Variants in ADRA1B observed in about 807,000 individuals in gnomAD.
ADRA1B encodes adrenoceptor alpha 1B.
In ADRA1B, 17 loss-of-function variants were observed where a neutral mutation model predicts 17.9. The observed-to-expected ratio is 0.95, with a 90% CI of 0.65 to 1.42. The LOEUF is 1.42. Ranked by LOEUF, ADRA1B falls within the 40% of genes most tolerant of loss-of-function variation. ADRA1B has a pLI of 0.00. For synonymous variants in ADRA1B, 366 were observed against 327.6 expected (o/e 1.12, Z -1.27); for missense variants, 681 against 722.1 (o/e 0.94, Z 0.65).
chr5:159,900,796 T>C (rs1445456402), intron 1 of ADRA1B, among the ~76,000 whole-genome samples: 1 of 152,220 alleles, frequency 6.6e-6, no homozygotes, highest in Non-Finnish European at 1.5e-5. Flanking sequence ...TGGAATGGAC[T>C]TGGGACAGAC....
At chr5:159,947,741 G>A in intron 1 of ADRA1B, 1 of 985,414 alleles carries the variant, frequency 1.0e-6, no homozygotes, top group Non-Finnish European at 1.2e-6. Flanking sequence ...TGTAAATCCA[G>A]GAAAGAAATG....
At chr5:159,912,427 C>T (rs779501297), upstream of ADRA1B, among the ~76,000 whole-genome samples, 3 of 152,238 alleles carry the variant, frequency 2.0e-5, no homozygotes, top group African/African-American at 7.2e-5. Context: ...CAAGTGCTGG[C>T]CTGGAAGGCA....
intron 1 of ADRA1B, among the ~76,000 whole-genome samples, chr5:159,890,141 T>G (rs1158014317): frequency 6.6e-6 from 1 of 152,098 alleles, no homozygotes; most frequent in Non-Finnish European, 1.5e-5. Flanking sequence ...CACCGAGTTG[T>G]TTTTCTGCCT....
In ADRA1B at chr5:159,972,150, G is replaced by A; in HGVS notation, c.1221G>A (p.Leu407=). 2.2e-6 allele frequency: 3 copies of A among 1,360,976 alleles called. No individual in the cohort carries two copies. In the South Asian group the frequency reaches 5.1e-5, roughly 23 times the overall value. The allele number at this position is 1,360,976 out of a possible 1,614,324, so 84.3% of individuals were successfully genotyped here. The change falls in exon 2 of 2, where the codon CTG becomes CTA. Residue 407 remains leucine (L), a synonymous_variant. Coordinates refer to ENST00000306675, the MANE Select transcript of ADRA1B (RefSeq NM_000679.4). Reference sequence around the variant, plus strand: ...GCTCGCAGTCGCGCAAGGACTCGCTGGACGACAGCGGCAGCTGCCTGAGCG... The same window carrying A: ...GCTCGCAGTCGCGCAAGGACTCGCTAGACGACAGCGGCAGCTGCCTGAGCG... ...LERSQSRKDS[L]DDSGSCLSGS... is the part of the protein sequence containing the mutation.
At chr5:159,931,168 T>C (rs1163465773) in intron 1 of ADRA1B, among the ~76,000 whole-genome samples, 1 of 151,362 alleles carries the variant, frequency 6.6e-6, no homozygotes, top group Non-Finnish European at 1.5e-5. Context: ...AGCAGGAGGA[T>C]CACTTGAGCC....
the ADRA1B span, among the ~76,000 whole-genome samples, chr5:159,988,960 T>C: frequency 6.6e-6 from 1 of 152,244 alleles, no homozygotes; most frequent in Non-Finnish European, 1.5e-5. Context: ...TGAATAATGC[T>C]GCTATGAGGA....
At chr5:159,963,533 T>C (rs1008199741) in intron 1 of ADRA1B, among the ~76,000 whole-genome samples, 1 of 152,172 alleles carries the variant, frequency 6.6e-6, no homozygotes, top group Admixed American at 6.5e-5. Context: ...CAAGAATTGT[T>C]GTAAAGGACA....
At chr5:159,944,635 T>C (rs1004953413) in intron 1 of ADRA1B, among the ~76,000 whole-genome samples, 1 of 152,176 alleles carries the variant, frequency 6.6e-6, no homozygotes, top group African/African-American at 2.4e-5. Flanking sequence ...AGCCACCATT[T>C]ACCATGTGCC....
chr5:159,928,097 C>T (rs981300433), intron 1 of ADRA1B, among the ~76,000 whole-genome samples: 1 of 152,104 alleles, frequency 6.6e-6, no homozygotes, highest in African/African-American at 2.4e-5. Flanking sequence ...GGATCAATTT[C>T]AGCACAAGCT....
At chr5:159,924,172 T>C (rs1256548570) in intron 1 of ADRA1B, among the ~76,000 whole-genome samples, 2 of 152,274 alleles carry the variant, frequency 1.3e-5, no homozygotes, top group Admixed American at 1.3e-4. Context: ...CTAAATGTAT[T>C]TCATGTAAAT....
chr5:159,900,060 C>A (rs1213885806), intron 1 of ADRA1B, among the ~76,000 whole-genome samples: 1 of 152,228 alleles, frequency 6.6e-6, no homozygotes, highest in East Asian at 1.9e-4. Flanking sequence ...CGTGCTGAAT[C>A]TAGTTTAAAT....
chr5:159,971,577 G>C (rs60463459), intron 1 of ADRA1B, among the ~76,000 whole-genome samples: 1 of 152,166 alleles, frequency 6.6e-6, no homozygotes, highest in African/African-American at 2.4e-5. Context: ...TTATCACTTA[G>C]ATTGAAGGTG....
upstream of ADRA1B, among the ~76,000 whole-genome samples, chr5:159,914,716 G>T (rs948126298): frequency 6.6e-6 from 1 of 152,104 alleles, no homozygotes; most frequent in Non-Finnish European, 1.5e-5. Flanking sequence ...ATAAAAAGAG[G>T]TTAAGAGCTT....
intron 1 of ADRA1B, among the ~76,000 whole-genome samples, chr5:159,890,646 C>T (rs975822127): frequency 2.0e-5 from 3 of 152,334 alleles, no homozygotes; most frequent in South Asian, 2.1e-4. Context: ...GTCAAACCCC[C>T]GCACATGTGC....
chr5:159,946,048 G>C (rs1320143606), intron 1 of ADRA1B, among the ~76,000 whole-genome samples: 1 of 152,092 alleles, frequency 6.6e-6, no homozygotes, highest in African/African-American at 2.4e-5. Flanking sequence ...CGCCCAGCCC[G>C]ATTTCTGTTT....
At chr5:159,941,604 G>A (rs1755128932) in intron 1 of ADRA1B, among the ~76,000 whole-genome samples, 1 of 152,136 alleles carries the variant, frequency 6.6e-6, no homozygotes, top group Non-Finnish European at 1.5e-5. Context: ...TATTCATAAT[G>A]GCCGAAAGAA....
intron 1 of ADRA1B, among the ~76,000 whole-genome samples, chr5:159,964,215 C>T (rs1561610418): frequency 1.3e-5 from 2 of 152,292 alleles, no homozygotes; most frequent in East Asian, 3.9e-4. Context: ...TCTCCAGAGA[C>T]AAAGTGGTTC....
chr5:159,886,071 G>A (rs1753920182), intron 1 of ADRA1B, among the ~76,000 whole-genome samples: 1 of 152,132 alleles, frequency 6.6e-6, no homozygotes, highest in Non-Finnish European at 1.5e-5. Flanking sequence ...GCTCCAAAAA[G>A]CACAATAAGT....
chr5:159,949,159 T>C (rs1203976309), intron 1 of ADRA1B, among the ~76,000 whole-genome samples: 2 of 152,170 alleles, frequency 1.3e-5, no homozygotes, highest in Non-Finnish European at 2.9e-5. Context: ...TCAATTACCC[T>C]CCAGAAAGCA....
Sources: gnomAD v4.1 joint callset for allele counts (sites outside exome capture counted in the v4.1 genomes callset) on GRCh38, gnomAD v4.1.1 for gene constraint, MANE v1.5 for transcripts, NCBI Gene and HGNC (gene_info 2026-07-23, HGNC 2026-07-21) for gene names.